Variants in CCDC32 observed in about 807,000 individuals in gnomAD.
CCDC32 encodes coiled-coil domain-containing protein 32.
Under a neutral mutation model 20.1 loss-of-function variants are expected in CCDC32, and 9 were observed. That is an observed-to-expected ratio of 0.45 (90% CI 0.27 to 0.78). The LOEUF is 0.78. Among genes scored for constraint, CCDC32 ranks in the 30% least tolerant of loss-of-function variants. The pLI, the probability that CCDC32 is intolerant of heterozygous loss-of-function variation, is 0.16. For synonymous variants in CCDC32, 63 were observed against 79.0 expected (o/e 0.80, Z 1.07); for missense variants, 204 against 215.5 (o/e 0.95, Z 0.33).
At chr15:40,525,229 C>A (rs1433090661), downstream of CCDC32, among the ~76,000 whole-genome samples, 1 of 151,980 alleles carries the variant, frequency 6.6e-6, no homozygotes, top group Non-Finnish European at 1.5e-5. Flanking sequence ...GGGGTTTTAC[C>A]ATCTTGGCCG....
the CCDC32 span, among the ~76,000 whole-genome samples, chr15:40,523,654 G>A: frequency 6.6e-6 from 1 of 152,096 alleles, no homozygotes; most frequent in African/African-American, 2.4e-5. Context: ...ATAGGTAAAA[G>A]ATAGTTTATT....
chr15:40,554,612 T>G (rs7173685), intron 3 of CCDC32, among the ~76,000 whole-genome samples: 5,261 of 152,246 alleles, frequency 0.035, 288 homozygotes, highest in African/African-American at 0.12. Context: ...GATTTTTTTT[T>G]TGTGTGGGGT....
chr15:40,535,731 C>T, downstream of CCDC32: 1 of 798,854 alleles, frequency 1.3e-6, no homozygotes, highest in Non-Finnish European at 1.5e-6. Flanking sequence ...TTTATTTAAT[C>T]ATTCGTTCAT....
chr15:40,547,805 A>T lies in CCDC32; in HGVS notation c.402-8450T>A, dbSNP rs561907233. ...GCCGCCTTGATCAACCTCTGCATGC[A>T]TGCATCACCAAGGAAGAACAGTCCC... On this transcript the variant is annotated intron_variant, in intron 3 of 3. Transcript: ENST00000558113. Among the ~76,000 whole-genome samples, 50 of 152,302 alleles carry T rather than the reference A, an allele frequency of 3.3e-4. 1 individual carries two copies. Among genetic ancestry groups the T allele is most frequent in the African/African-American group, 1.2e-3 (49 of 41,554 alleles).
intron 2 of CCDC32, among the ~76,000 whole-genome samples, chr15:40,558,949 G>A (rs1196120025): frequency 1.3e-5 from 2 of 151,518 alleles, no homozygotes; most frequent in African/African-American, 2.4e-5. Context: ...GATTACAGGC[G>A]CACACCATCA....
chr15:40,550,261 A>G (rs1486871475), downstream of CCDC32, among the ~76,000 whole-genome samples: 1 of 152,148 alleles, frequency 6.6e-6, no homozygotes, highest in Non-Finnish European at 1.5e-5. Context: ...CATTTGCTCT[A>G]ACTTGCTGTC....
At chr15:40,529,177 AG>A (rs1181210139) in intron 3 of CCDC32, among the ~76,000 whole-genome samples, 1 of 152,200 alleles carries the variant, frequency 6.6e-6, no homozygotes, top group East Asian at 1.9e-4. Context: ...ACTCTCTGCC[AG>A]GGGTCTTAAG....
At chr15:40,527,744 TG>T (rs1286258691), downstream of CCDC32, among the ~76,000 whole-genome samples, 2 of 152,228 alleles carry the variant, frequency 1.3e-5, no homozygotes, top group African/African-American at 4.8e-5. Context: ...CCTCACCATG[TG>T]GTGCTGTGCT....
intron 1 of CCDC32, among the ~76,000 whole-genome samples, chr15:40,563,879 G>A (rs1890835505): frequency 6.7e-6 from 1 of 150,250 alleles, no homozygotes; most frequent in East Asian, 2.0e-4. Context: ...GGAGTGCAGT[G>A]GCGCTAACTT....
downstream of CCDC32, chr15:40,534,928 G>A (rs759760686): frequency 4.3e-6 from 3 of 702,380 alleles, no homozygotes; most frequent in Non-Finnish European, 7.8e-6. Flanking sequence ...CAGATGTCAG[G>A]GTCTGAAGGC....
At chr15:40,532,173 T>A, downstream of CCDC32, 1 of 598,514 alleles carries the variant, frequency 1.7e-6, no homozygotes, top group Non-Finnish European at 3.0e-6. Context: ...TGTTTCTTCA[T>A]TATTATACAC....
intron 2 of CCDC32, among the ~76,000 whole-genome samples, chr15:40,559,031 T>C (rs891265651): frequency 3.9e-5 from 6 of 152,078 alleles, no homozygotes; most frequent in Admixed American, 2.6e-4. Context: ...CTTGAACTCC[T>C]GACCTCATGT....
At chr15:40,529,912 C>T (rs1015858095), downstream of CCDC32, among the ~76,000 whole-genome samples, 4 of 151,300 alleles carry the variant, frequency 2.6e-5, no homozygotes, top group Non-Finnish European at 5.9e-5. Context: ...CTGCCTGCCT[C>T]GGCCTCCCAA....
the CCDC32 span, among the ~76,000 whole-genome samples, chr15:40,523,654 G>T: frequency 6.6e-6 from 1 of 152,096 alleles, no homozygotes; most frequent in Non-Finnish European, 1.5e-5. Flanking sequence ...ATAGGTAAAA[G>T]ATAGTTTATT....
At chr15:40,526,948 T>G (rs1010456312), downstream of CCDC32, among the ~76,000 whole-genome samples, 1 of 152,166 alleles carries the variant, frequency 6.6e-6, no homozygotes, top group Non-Finnish European at 1.5e-5. Flanking sequence ...TTTTTTATTT[T>G]ACTTTCTTTT....
At chr15:40,547,800 C>T (rs1889682547) in intron 3 of CCDC32, among the ~76,000 whole-genome samples, 2 of 152,220 alleles carry the variant, frequency 1.3e-5, no homozygotes, top group South Asian at 4.1e-4. Flanking sequence ...TCAACCTCTG[C>T]ATGCATGCAT....
chr15:40,563,969 C>G (rs1485975598), intron 1 of CCDC32, among the ~76,000 whole-genome samples: 1 of 152,066 alleles, frequency 6.6e-6, no homozygotes, highest in East Asian at 1.9e-4. Flanking sequence ...TACAGGCACT[C>G]GCCACCACGC....
downstream of CCDC32, chr15:40,535,757 G>A (rs1356239637): frequency 1.6e-6 from 1 of 639,060 alleles, no homozygotes; most frequent in Non-Finnish European, 1.9e-6. Context: ...TCTGATTGCA[G>A]TGGAGTTTCA....
chr15:40,540,519 C>T (rs1889348066), intron 3 of CCDC32, among the ~76,000 whole-genome samples: 1 of 151,860 alleles, frequency 6.6e-6, no homozygotes, highest in Non-Finnish European at 1.5e-5. Flanking sequence ...AGGCGCCTGC[C>T]ACCATGCCTG....
Sources: gnomAD v4.1 joint callset for allele counts (sites outside exome capture counted in the v4.1 genomes callset) on GRCh38, gnomAD v4.1.1 for gene constraint, MANE v1.5 for transcripts, NCBI Gene and HGNC (gene_info 2026-07-23, HGNC 2026-07-21) for gene names.